ALCAM: variants seen among roughly 807,000 people sequenced by gnomAD.
ALCAM encodes the protein activated leukocyte cell adhesion molecule, also known as CD166 antigen.
A neutral mutation model predicts 70.9 loss-of-function variants in ALCAM; 30 were observed. The observed-to-expected ratio is 0.42, with a 90% confidence interval of 0.32 to 0.57. The LOEUF (loss-of-function observed/expected upper bound fraction) is 0.57, where lower values mean the gene tolerates loss of function less well. Among genes scored for constraint, ALCAM ranks in the 20% least tolerant of loss-of-function variants. The pLI is 0.11. For synonymous variants in ALCAM, 249 were observed against 242.5 expected (o/e 1.03, Z -0.25); for missense variants, 591 against 695.1 (o/e 0.85, Z 1.68).
chr3:105,574,458 TA>T lies in ALCAM; in HGVS notation c.*26-18del, dbSNP rs913047887. On this transcript the variant is annotated intron_variant, in intron 15 of 15. Coordinates refer to ENST00000306107, the MANE Select transcript of ALCAM (RefSeq NM_001627.4). ...TATTGCTTTGGAAGCTTATCTAAATTATTTTTTTTTCATTTCAGAGATAAAA... is the reference window on the plus strand; with the variant it reads ...TATTGCTTTGGAAGCTTATCTAAATTTTTTTTTTTCATTTCAGAGATAAAA... The T allele has an allele frequency of 2.0e-5, 3 of 147,436 alleles. No homozygotes were observed. The highest frequency in any genetic ancestry group is 7.2e-5 in the Admixed American group (1 of 13,878). The allele number at this position is 147,436 out of a possible 1,614,324, so 9.1% of individuals were successfully genotyped here.
rs1180331172 is a variant in ALCAM at position 105,545,245 on chromosome 3, A to C, written c.1014A>C (p.Pro338=). The part of the protein sequence containing the change: ...TVHYLDLSLN[P]SGEVTRQIGD... ...CAGATTTGGATTTGTCCTTAAACCC[A>C]AGTGGAGAAGTGACTAGACAGATTG... Residue 338 remains proline (P), a synonymous_variant, in exon 9 of 16, where the codon CCA becomes CCC. Transcript: ENST00000306107. 6.2e-7 allele frequency: 1 copy of C among 1,608,630 alleles called. No homozygotes were observed. The highest frequency in any genetic ancestry group is 8.5e-7 in the Non-Finnish European group (1 of 1,175,964).
chr3:105,381,144 A>T (rs780753121), intron 1 of ALCAM, among the ~76,000 whole-genome samples: 10 of 151,950 alleles, frequency 6.6e-5, no homozygotes, highest in Non-Finnish European at 1.2e-4. Context: ...GAATTAATAC[A>T]CATAAAGTTC....
At chr3:105,403,460 G>A (rs1049506893) in intron 1 of ALCAM, among the ~76,000 whole-genome samples, 1 of 152,080 alleles carries the variant, frequency 6.6e-6, no homozygotes, top group African/African-American at 2.4e-5. Context: ...GCTCCACTGG[G>A]TTGCCAGACC....
Position 105,520,126 on chromosome 3 carries a change from C to G in ALCAM, c.133C>G (p.Leu45Val). Residue 45 changes from leucine (L) to valine (V), a missense_variant, in exon 2 of 16, where the codon CTT (leucine) becomes GTT (valine). Transcript: ENST00000306107. Reference protein sequence around the residue: ...YGDTIIIPCRLDVPQNLMFGK... With the variant: ...YGDTIIIPCRVDVPQNLMFGK... Reference sequence around the variant, plus strand: ...AGATACCATTATCATACCTTGCCGACTTGACGTACCTCAGAATCTCATGTT... The same window carrying G: ...AGATACCATTATCATACCTTGCCGAGTTGACGTACCTCAGAATCTCATGTT... 6.2e-7 allele frequency: 1 copy of G among 1,613,036 alleles called. No individual in the cohort carries two copies. Among genetic ancestry groups the G allele is most frequent in the African/African-American group, 1.3e-5 (1 of 74,892 alleles).
At chr3:105,551,470 T>C (rs112536709) in intron 12 of ALCAM, among the ~76,000 whole-genome samples, 4 of 151,670 alleles carry the variant, frequency 2.6e-5, no homozygotes, top group Non-Finnish European at 5.9e-5. Context: ...GGTCCGGGAA[T>C]CTGCATTTTA....
chr3:105,511,587 C>G (rs1459332564), intron 1 of ALCAM, among the ~76,000 whole-genome samples: 1 of 151,988 alleles, frequency 6.6e-6, no homozygotes, highest in East Asian at 1.9e-4. Flanking sequence ...ATGGAATTTA[C>G]ACAAATCTAA....
intron 1 of ALCAM, among the ~76,000 whole-genome samples, chr3:105,489,558 T>G (rs1168068757): frequency 1.3e-5 from 2 of 152,248 alleles, no homozygotes; most frequent in African/African-American, 2.4e-5. Context: ...TTATCAAGTT[T>G]GATGGATAAA....
intron 1 of ALCAM, among the ~76,000 whole-genome samples, chr3:105,459,781 A>G (rs542656520): frequency 6.6e-6 from 1 of 152,200 alleles, no homozygotes; most frequent in South Asian, 2.1e-4. Flanking sequence ...TGTGATTAAT[A>G]AAGACATTTA....
chr3:105,410,880 C>A (rs2107393826), intron 1 of ALCAM, among the ~76,000 whole-genome samples: 1 of 152,080 alleles, frequency 6.6e-6, no homozygotes, highest in East Asian at 1.9e-4. Flanking sequence ...ATTCAAAACA[C>A]CCTTTGACAT....
At chr3:105,421,695 T>C (rs1397721988) in intron 1 of ALCAM, among the ~76,000 whole-genome samples, 1 of 151,484 alleles carries the variant, frequency 6.6e-6, no homozygotes, top group African/African-American at 2.4e-5. Flanking sequence ...AGAAGCACTG[T>C]AGTTAAGAAA....
At chr3:105,562,256 G>C (rs1047980678) in intron 14 of ALCAM, among the ~76,000 whole-genome samples, 1 of 152,188 alleles carries the variant, frequency 6.6e-6, no homozygotes, top group Non-Finnish European at 1.5e-5. Context: ...ACAAAGGTCA[G>C]ATATCTCTTT....
intron 1 of ALCAM, among the ~76,000 whole-genome samples, chr3:105,501,820 A>T (rs569822709): frequency 1.1e-3 from 161 of 152,338 alleles, no homozygotes; most frequent in African/African-American, 3.8e-3. Context: ...TATAAAGCAT[A>T]GTGCCTGCCA....
intron 1 of ALCAM, among the ~76,000 whole-genome samples, chr3:105,410,843 TAAAAA>T (rs3996193): frequency 0.69 from 103,671 of 151,024 alleles, 35,856 homozygotes; most frequent in East Asian, 0.93. Context: ...ACTTTGAAAA[TAAAAA>T]TTGTTATGAA....
chr3:105,494,833 C>T (rs1171713698), intron 1 of ALCAM, among the ~76,000 whole-genome samples: 2 of 152,020 alleles, frequency 1.3e-5, no homozygotes, highest in East Asian at 1.9e-4. Context: ...CTAATCTTTT[C>T]GTTTTTTTGT....
intron 1 of ALCAM, among the ~76,000 whole-genome samples, chr3:105,378,867 G>A (rs1040931639): frequency 2.0e-5 from 3 of 151,936 alleles, no homozygotes; most frequent in Non-Finnish European, 2.9e-5. Context: ...CATCCAAAGT[G>A]TTTGGTTAGA....
In ALCAM at chr3:105,471,449, G is replaced by C. The variant is rs116288362; in HGVS notation, c.74-48618G>C. Among the ~76,000 whole-genome samples, 504 of 151,352 alleles carry C rather than the reference G, an allele frequency of 3.3e-3. 2 individuals carry two copies. The highest frequency in any genetic ancestry group is 0.012 in the African/African-American group (479 of 41,428). On this transcript the variant is annotated intron_variant, in intron 1 of 15. Coordinates refer to ENST00000306107, the MANE Select transcript of ALCAM (RefSeq NM_001627.4). ...AGGTAAAAGGGGTCAAGTTTAGCAA[G>C]ACAAATTTGATGGTGTGGAGAGCTT... is the stretch of plus-strand genomic sequence containing the variant.
chr3:105,550,455 T>G (rs1391097348), intron 12 of ALCAM, among the ~76,000 whole-genome samples, 196 bp downstream of exon 12: 1 of 151,668 alleles, frequency 6.6e-6, no homozygotes, highest in East Asian at 1.9e-4. Flanking sequence ...TCTTGACAGT[T>G]AAATCATTTC....
chr3:105,540,469 A>G (rs1940090283), intron 7 of ALCAM, among the ~76,000 whole-genome samples: 1 of 152,014 alleles, frequency 6.6e-6, no homozygotes, highest in African/African-American at 2.4e-5. Flanking sequence ...CATTGCCCCG[A>G]ACACACCTCT....
intron 13 of ALCAM, 97 bp from the exon 14 acceptor site, chr3:105,552,371 G>A (rs1940431030): frequency 2.2e-6 from 3 of 1,376,824 alleles, no homozygotes; most frequent in East Asian, 2.3e-5. Flanking sequence ...ACTGTAGTGA[G>A]CTTTAGTCAT....
Sources: gnomAD v4.1 joint callset for allele counts (sites outside exome capture counted in the v4.1 genomes callset) on GRCh38, gnomAD v4.1.1 for gene constraint, MANE v1.5 for transcripts, NCBI Gene and HGNC (gene_info 2026-07-23, HGNC 2026-07-21) for gene names.